Variants in FAAP20 observed in about 807,000 individuals in gnomAD.
FAAP20 encodes FA core complex associated protein 20.
A neutral mutation model predicts 16.2 loss-of-function variants in FAAP20; 12 were observed. That is an observed-to-expected ratio of 0.74 (90% CI 0.48 to 1.20). FAAP20 has a LOEUF of 1.20. Among genes scored for constraint, FAAP20 ranks in the 50% most tolerant of loss-of-function variants. The pLI is 0.00. For synonymous variants in FAAP20, 141 were observed against 110.7 expected, an observed-to-expected ratio of 1.27 and a Z score of -1.72; for missense variants, 288 against 245.8, an observed-to-expected ratio of 1.17 and a Z score of -1.15.
chr1:2,210,515 G>C (rs1159947891), downstream of FAAP20, among the ~76,000 whole-genome samples: 1 of 152,154 alleles, frequency 6.6e-6, no homozygotes, highest in Non-Finnish European at 1.5e-5. Context: ...TCTAGTCACA[G>C]GCTCTGCTTC....
At chr1:2,208,964 G>A (rs779664921), downstream of FAAP20, among the ~76,000 whole-genome samples, 17 of 152,232 alleles carry the variant, frequency 1.1e-4, no homozygotes, top group Non-Finnish European at 2.4e-4. Flanking sequence ...AGCCCTCACA[G>A]CTGCAGGAGG....
intron 1 of FAAP20, 48 bp downstream of exon 1, chr1:2,194,640 G>C: frequency 9.5e-7 from 1 of 1,052,378 alleles, no homozygotes; most frequent in Non-Finnish European, 1.2e-6. Context: ...CGGGAAGCAC[G>C]TGGGAGCGGG....
At chr1:2,187,254 T>C (rs1312436310), downstream of FAAP20, 4 of 439,630 alleles carry the variant, frequency 9.1e-6, no homozygotes, top group South Asian at 6.9e-5. Flanking sequence ...AGCAGGTGTT[T>C]CCAAGAAGCA....
chr1:2,199,529 G>C (rs1688963693), upstream of FAAP20: 3 of 986,102 alleles, frequency 3.0e-6, no homozygotes, highest in Admixed American at 1.8e-4. This position sits in a 1 kb window ranked among gnomAD's most constrained non-coding sequence, Gnocchi z 4.5. Flanking sequence ...AAGCCTCTCA[G>C]AGTGCGCGGC....
At chr1:2,185,528 C>T (rs778963948), downstream of FAAP20, 27 of 715,144 alleles carry the variant, frequency 3.8e-5, 1 homozygote, top group African/African-American at 1.2e-4. Flanking sequence ...GGGGACACAC[C>T]GCAATCAAGA....
upstream of FAAP20, among the ~76,000 whole-genome samples, chr1:2,195,628 C>T (rs1688784921): frequency 6.6e-6 from 1 of 152,234 alleles, no homozygotes; most frequent in Non-Finnish European, 1.5e-5. Flanking sequence ...CCTGGCTGTT[C>T]CTACCCCTCA....
At chr1:2,192,171 A>C (rs1688303412) in intron 3 of FAAP20, 1 of 985,784 alleles carries the variant, frequency 1.0e-6, no homozygotes. Flanking sequence ...CTGTGCGGTC[A>C]GGAGTCCCAG....
downstream of FAAP20, among the ~76,000 whole-genome samples, chr1:2,189,306 T>C (rs1572096361): frequency 6.9e-6 from 1 of 143,890 alleles, no homozygotes; most frequent in African/African-American, 2.6e-5. Context: ...CACTCCAGCC[T>C]GGGCGACAGA....
At chr1:2,209,939 C>T (rs1324284175), downstream of FAAP20, among the ~76,000 whole-genome samples, 1 of 152,200 alleles carries the variant, frequency 6.6e-6, no homozygotes, top group Non-Finnish European at 1.5e-5. Context: ...AGAACCTGTC[C>T]TGGGCACTGA....
chr1:2,199,640 G>C (rs912488712), upstream of FAAP20: 4 of 985,704 alleles, frequency 4.1e-6, no homozygotes, highest in East Asian at 3.4e-4. The surrounding 1 kb of genome is among the most constrained non-coding windows in gnomAD (Gnocchi z 4.5). Flanking sequence ...GGGTTGAGCA[G>C]CGTCTCCGAA....
At chr1:2,200,607 G>A (rs1689012223), upstream of FAAP20, 2 of 980,962 alleles carry the variant, frequency 2.0e-6, no homozygotes, top group South Asian at 4.7e-5. Context: ...GAATATACAT[G>A]TCACTCGTTT....
At chr1:2,189,022 A>AC (rs551608865), downstream of FAAP20, among the ~76,000 whole-genome samples, 2,555 of 144,410 alleles carry the variant, frequency 0.018, 89 homozygotes, top group African/African-American at 0.061. Flanking sequence ...AAAAAAAAAA[A>AC]AAAAAACAAA....
chr1:2,194,235 G>T (rs1688607220), intron 1 of FAAP20, 102 bp from the exon 2 acceptor site: 10 of 1,456,632 alleles, frequency 6.9e-6, no homozygotes, highest in Middle Eastern at 4.9e-4. Context: ...GGAGATGGGG[G>T]GTACTAGAGG....
upstream of FAAP20, among the ~76,000 whole-genome samples, chr1:2,202,480 T>C (rs1424651086): frequency 1.3e-5 from 2 of 152,140 alleles, no homozygotes; most frequent in Non-Finnish European, 2.9e-5. Flanking sequence ...TATTTATTTA[T>C]TGAGACAGAG....
chr1:2,201,057 G>A (rs552600366), upstream of FAAP20: 8 of 1,288,926 alleles, frequency 6.2e-6, no homozygotes, highest in Middle Eastern at 2.3e-4. Flanking sequence ...CACCTGTGGC[G>A]CACAGGTTTC....
chr1:2,207,350 G>A (rs1480724533), downstream of FAAP20, among the ~76,000 whole-genome samples: 1 of 152,206 alleles, frequency 6.6e-6, no homozygotes, highest in Non-Finnish European at 1.5e-5. Flanking sequence ...GCTGGGAGAG[G>A]CTGAAGACAG....
At chr1:2,187,642 T>G (rs770092695), downstream of FAAP20, among the ~76,000 whole-genome samples, 8 of 152,180 alleles carry the variant, frequency 5.3e-5, no homozygotes, top group Non-Finnish European at 1.0e-4. Context: ...TCAGGGCAGT[T>G]TTAGGCTCCC....
chr1:2,203,476 G>T (rs1557792027), upstream of FAAP20: 1 of 985,752 alleles, frequency 1.0e-6, no homozygotes, highest in East Asian at 1.1e-4. Flanking sequence ...GTCCAGCACA[G>T]GTGTTCTCGC....
intron 3 of FAAP20, chr1:2,192,368 C>G: frequency 1.0e-6 from 1 of 994,972 alleles, no homozygotes; most frequent in South Asian, 4.5e-5. Flanking sequence ...GACCTGACTT[C>G]ATTGACGCCT....
Sources: gnomAD v4.1 joint callset for allele counts (sites outside exome capture counted in the v4.1 genomes callset) on GRCh38, gnomAD v4.1.1 for gene constraint, Gnocchi (gnomAD v3.1) non-coding constraint, MANE v1.5 for transcripts, NCBI Gene and HGNC (gene_info 2026-07-23, HGNC 2026-07-21) for gene names.